The following ERAP1 variants were observed in gnomAD, a reference collection of about 807,000 sequenced individuals.
The protein encoded by ERAP1 is endoplasmic reticulum aminopeptidase 1, also known as adipocyte-derived leucine aminopeptidase.
A neutral mutation model predicts 103.7 loss-of-function variants in ERAP1; 86 were observed. The observed-to-expected ratio is 0.83, with a 90% CI of 0.70 to 0.99. The LOEUF (loss-of-function observed/expected upper bound fraction) is 0.99. Among genes scored for constraint, ERAP1 ranks in the 50% least tolerant of loss-of-function variants. The pLI is 0.00. For missense variants in ERAP1, 1,009 were observed against 1,128.4 expected (o/e 0.89, Z 1.52); for synonymous variants, 398 against 402.4 (o/e 0.99, Z 0.13).
the ERAP1 span, among the ~76,000 whole-genome samples, chr5:96,821,124 G>A: frequency 2.0e-5 from 3 of 152,262 alleles, no homozygotes; most frequent in East Asian, 5.8e-4. Context: ...AAGGCAGTCT[G>A]GAGTCAGAAC....
chr5:96,893,723 T>C, the ERAP1 span, among the ~76,000 whole-genome samples: 604 of 152,308 alleles, frequency 4.0e-3, 5 homozygotes, highest in African/African-American at 0.013. Context: ...GTCTTCCCAT[T>C]GATTACCATG....
chr5:96,842,942 T>C, the ERAP1 span, among the ~76,000 whole-genome samples: 60 of 152,196 alleles, frequency 3.9e-4, no homozygotes, highest in Admixed American at 3.9e-3. Context: ...TCAATCCATC[T>C]TGAGTTGAAT....
At chr5:96,820,137 C>T in the ERAP1 span, among the ~76,000 whole-genome samples, 3 of 152,158 alleles carry the variant, frequency 2.0e-5, no homozygotes, top group African/African-American at 7.2e-5. Context: ...TTTAAAATTT[C>T]ATGAACATTC....
chr5:96,896,528 G>A, the ERAP1 span: 6 of 1,586,092 alleles, frequency 3.8e-6, no homozygotes, highest in Non-Finnish European at 5.1e-6. Context: ...GGTGCAGGTG[G>A]AAGCTCTGCT....
chr5:96,838,526 T>C, the ERAP1 span, among the ~76,000 whole-genome samples: 2 of 152,248 alleles, frequency 1.3e-5, no homozygotes, highest in African/African-American at 4.8e-5. Flanking sequence ...AGTTCTTGTA[T>C]TGTAACTTGA....
intron 4 of ERAP1, 143 bp from the exon 5 acceptor site, chr5:96,795,305 G>T: frequency 1.9e-6 from 2 of 1,068,886 alleles, no homozygotes; most frequent in Non-Finnish European, 2.8e-6. Flanking sequence ...TCCATTTCTT[G>T]CATTAATACT....
the ERAP1 span, among the ~76,000 whole-genome samples, chr5:96,926,325 T>G: frequency 1.3e-5 from 2 of 152,230 alleles, no homozygotes; most frequent in Admixed American, 1.3e-4. Context: ...TTACATGGCA[T>G]AAAATTCATC....
chr5:96,787,270 G>C (rs1367435093), intron 11 of ERAP1, among the ~76,000 whole-genome samples: 1 of 151,584 alleles, frequency 6.6e-6, no homozygotes, highest in Non-Finnish European at 1.5e-5. Flanking sequence ...CTTGTTTTTT[G>C]TTTGTTTGTT....
the ERAP1 span, among the ~76,000 whole-genome samples, chr5:96,907,147 T>C: frequency 1.3e-5 from 2 of 152,260 alleles, no homozygotes; most frequent in East Asian, 1.9e-4. Flanking sequence ...GTGTGGACTT[T>C]TACTGTTGAG....
chr5:96,930,614 C>G, the ERAP1 span, among the ~76,000 whole-genome samples: 1 of 152,164 alleles, frequency 6.6e-6, no homozygotes, highest in Non-Finnish European at 1.5e-5. Flanking sequence ...ATTTGTGAAC[C>G]TCATCATTCC....
At chr5:96,828,083 T>C in the ERAP1 span, among the ~76,000 whole-genome samples, 1 of 152,234 alleles carries the variant, frequency 6.6e-6, no homozygotes, top group Non-Finnish European at 1.5e-5. Context: ...TAGCCTGAAA[T>C]TCCCCAGCAT....
At chr5:96,924,932 G>C in the ERAP1 span, among the ~76,000 whole-genome samples, 4 of 152,084 alleles carry the variant, frequency 2.6e-5, no homozygotes, top group African/African-American at 9.7e-5. Flanking sequence ...TCTATCTTCT[G>C]ACTTTTATGG....
At chr5:96,761,496 T>C (rs1767942641) in exon 20 of ERAP1, 1 of 152,250 alleles carries the variant, frequency 6.6e-6, no homozygotes, top group African/African-American at 2.4e-5. Context: ...TGTTGGTATC[T>C]TTTTAATGTG....
At chr5:96,763,254 A>G in intron 19 of ERAP1, 1 of 780,726 alleles carries the variant, frequency 1.3e-6, no homozygotes, top group Non-Finnish European at 2.4e-6. Flanking sequence ...GGCACAAATG[A>G]CAAAGCCCAG....
At chr5:96,847,859 C>T in the ERAP1 span, among the ~76,000 whole-genome samples, 5 of 152,000 alleles carry the variant, frequency 3.3e-5, no homozygotes, top group Admixed American at 2.0e-4. Flanking sequence ...AATGCCAACA[C>T]CAAAGAGTAA....
At chr5:96,792,300 G>A in intron 7 of ERAP1, 108 bp from the exon 8 acceptor site, 2 of 987,596 alleles carry the variant, frequency 2.0e-6, no homozygotes, top group South Asian at 1.3e-5. Context: ...TCACATTTTG[G>A]GGGCAACCTA....
chr5:96,796,137 C>T (rs1777323054), intron 4 of ERAP1, among the ~76,000 whole-genome samples: 2 of 152,190 alleles, frequency 1.3e-5, no homozygotes, highest in Admixed American at 6.5e-5. Flanking sequence ...AAAGATACCT[C>T]CACAAGAATA....
the ERAP1 span, among the ~76,000 whole-genome samples, chr5:96,891,317 C>G: frequency 6.6e-6 from 1 of 150,994 alleles, no homozygotes; most frequent in Non-Finnish European, 1.5e-5. Context: ...GGATAGTAAA[C>G]CATGCGCATA....
In ERAP1 at chr5:96,775,523, A is replaced by AG. The variant is rs1412118838; in HGVS notation, c.*872_*873insC. The AG allele has an allele frequency of 1.7e-4, 151 of 899,776 alleles. No homozygotes were observed. The African/African-American group carries it at 3.9e-3, about 23-fold the overall frequency. The allele number at this position is 899,776 out of a possible 1,614,324, so 55.7% of individuals were successfully genotyped here. On this transcript the variant is annotated 3_prime_UTR_variant, in exon 19 of 19. Coordinates refer to ENST00000443439, the MANE Select transcript of ERAP1 (RefSeq NM_001040458.3). ...AGAAGAGATACTGTACCAGTCAGGG[A>AG]AATAGATGACACTCACTCAGAATTA...
Sources: gnomAD v4.1 joint callset for allele counts (sites outside exome capture counted in the v4.1 genomes callset) on GRCh38, gnomAD v4.1.1 for gene constraint, MANE v1.5 for transcripts, NCBI Gene and HGNC (gene_info 2026-07-23, HGNC 2026-07-21) for gene names.